TTLL11: variants seen among roughly 807,000 people sequenced by gnomAD.
TTLL11 encodes tubulin tyrosine ligase like 11.
TTLL11 carries 42 observed loss-of-function variants against 51.7 expected under a neutral mutation model. That is an observed-to-expected ratio of 0.81 (90% CI 0.64 to 1.05). The LOEUF is 1.05. TTLL11 is among the 50% of genes least tolerant of loss of function. TTLL11 has a pLI of 0.00. For missense variants in TTLL11, 799 were observed against 940.4 expected (o/e 0.85, Z 1.97); for synonymous variants, 381 against 383.5 (o/e 0.99, Z 0.08).
At chr9:121,842,322 A>T (rs968850929) in intron 8 of TTLL11, among the ~76,000 whole-genome samples, 2 of 151,940 alleles carry the variant, frequency 1.3e-5, no homozygotes, top group African/African-American at 4.8e-5. Flanking sequence ...CAGTGATGTA[A>T]TCATAGCTCA....
At chr9:122,042,488 A>C (rs1304991682) in intron 1 of TTLL11, among the ~76,000 whole-genome samples, 2 of 152,252 alleles carry the variant, frequency 1.3e-5, no homozygotes, top group Non-Finnish European at 2.9e-5. Flanking sequence ...CAAAATGGTA[A>C]AGCCACTTTA....
chr9:122,092,885 C>T lies in TTLL11; in HGVS notation c.264G>A (p.Leu88=). Reference sequence around the variant, plus strand: ...GCACCGGCTTCGGCTTGGACGGGGGCAGCGTGGGCGGCGGCCGCTGAAGGA... The same window carrying T: ...GCACCGGCTTCGGCTTGGACGGGGGTAGCGTGGGCGGCGGCCGCTGAAGGA... ...TQVLQRPPPT[L]PPSKPKPVQG... The change falls in exon 1 of 9, where the codon CTG becomes CTA. Residue 88 remains leucine (L), a synonymous_variant. Coordinates refer to ENST00000321582, the MANE Select transcript of TTLL11 (RefSeq NM_001139442.2). 6.4e-7 allele frequency: 1 copy of T among 1,569,032 alleles called. No homozygotes were observed.
Position 121,990,438 on chromosome 9 carries a change from A to G in TTLL11, c.694-668T>C, listed in dbSNP as rs1843078315. On this transcript the variant is annotated intron_variant, in intron 3 of 8. Transcript: ENST00000321582. ...GAACCTGAGAAATAAAAGACAATCC[A>G]AAGCCTGGCTGTCACTCTTTTTAGA... Among the ~76,000 whole-genome samples the G allele has an allele frequency of 1.3e-5, 2 of 152,256 alleles. 1 individual carries two copies. Among genetic ancestry groups the G allele is most frequent in the South Asian group, 4.1e-4 (2 of 4,838 alleles).
intron 1 of TTLL11, among the ~76,000 whole-genome samples, chr9:122,066,998 G>A (rs1052348933): frequency 6.6e-6 from 1 of 152,172 alleles, no homozygotes; most frequent in African/African-American, 2.4e-5. Flanking sequence ...CTTCCCCCAT[G>A]ATTCAATTAC....
chr9:121,883,843 A>G (rs531630985), intron 6 of TTLL11, among the ~76,000 whole-genome samples: 1 of 152,188 alleles, frequency 6.6e-6, no homozygotes, highest in African/African-American at 2.4e-5. Context: ...AGGTTAAGGC[A>G]GGCAGCAGAG....
intron 6 of TTLL11, among the ~76,000 whole-genome samples, chr9:121,895,362 G>T (rs1839424381): frequency 7.0e-6 from 1 of 141,992 alleles, no homozygotes; most frequent in African/African-American, 2.5e-5. Flanking sequence ...GCGTGTGTGT[G>T]TATTGTGTGA....
intron 1 of TTLL11, among the ~76,000 whole-genome samples, chr9:122,068,634 G>C (rs1052952357): frequency 2.6e-5 from 4 of 152,224 alleles, no homozygotes; most frequent in Non-Finnish European, 5.9e-5. Context: ...CACTCAGCTA[G>C]TAAGAAGCAG....
intron 1 of TTLL11, among the ~76,000 whole-genome samples, chr9:122,049,258 T>C (rs754566879): frequency 5.9e-5 from 9 of 152,220 alleles, no homozygotes; most frequent in Non-Finnish European, 8.8e-5. Flanking sequence ...TATTACCTTA[T>C]TTAATCCACA....
At chr9:122,046,412 T>C (rs1398891692) in intron 1 of TTLL11, among the ~76,000 whole-genome samples, 1 of 152,070 alleles carries the variant, frequency 6.6e-6, no homozygotes, top group Non-Finnish European at 1.5e-5. Flanking sequence ...CATGAGCCAA[T>C]TAAACCTCTT....
intron 6 of TTLL11, among the ~76,000 whole-genome samples, chr9:121,944,054 A>G (rs1841581617): frequency 6.6e-6 from 1 of 152,248 alleles, no homozygotes; most frequent in East Asian, 1.9e-4. Context: ...ATTTTATACA[A>G]TTGCATTTTC....
chr9:121,998,186 C>T (rs1289782332), intron 3 of TTLL11, among the ~76,000 whole-genome samples: 2 of 152,162 alleles, frequency 1.3e-5, no homozygotes, highest in Admixed American at 1.3e-4. Context: ...ATCACTGGGC[C>T]CAGCTTTTCC....
chr9:121,872,003 C>T (rs890325740), intron 6 of TTLL11, among the ~76,000 whole-genome samples: 2 of 152,240 alleles, frequency 1.3e-5, no homozygotes, highest in Non-Finnish European at 2.9e-5. Flanking sequence ...GCATGTTATA[C>T]ATGGTCAGTA....
intron 8 of TTLL11, among the ~76,000 whole-genome samples, chr9:121,832,980 G>A (rs1017989592): frequency 1.3e-5 from 2 of 151,560 alleles, no homozygotes; most frequent in African/African-American, 2.4e-5. Flanking sequence ...AAACTGGGGG[G>A]GAGTTTTCAA....
At chr9:121,883,569 G>A (rs1336649503) in intron 6 of TTLL11, among the ~76,000 whole-genome samples, 2 of 152,162 alleles carry the variant, frequency 1.3e-5, no homozygotes, top group Non-Finnish European at 2.9e-5. Flanking sequence ...AATTAGGCAT[G>A]CCTATTAGCA....
At chr9:121,831,699 C>CAA (rs35519622) in intron 8 of TTLL11, among the ~76,000 whole-genome samples, 9,146 of 133,248 alleles carry the variant, frequency 0.069, 474 homozygotes, top group African/African-American at 0.16. Context: ...GACTCTGTCT[C>CAA]AAAAAAAAAA....
intron 6 of TTLL11, among the ~76,000 whole-genome samples, chr9:121,953,632 C>CAAA (rs57176138): frequency 1.0e-3 from 72 of 70,830 alleles, no homozygotes; most frequent in South Asian, 2.2e-3. Context: ...GATGCCGCCT[C>CAAA]AAAAAAAAAA....
rs374476349 is a variant in TTLL11, at chr9:121,895,997, TGA to T, written c.1482-25251_1482-25250del. 5.9e-3 allele frequency among the ~76,000 whole-genome samples: 466 copies of T among 79,334 alleles called. 4 individuals carry two copies. Among genetic ancestry groups the T allele is most frequent in the African/African-American group, 0.023 (443 of 19,628 alleles). The allele number at this position is 79,334 out of a possible 152,430, so 52.0% of individuals were successfully genotyped here. A position where few individuals can be genotyped will look rare whatever the true frequency, so the allele number is the denominator to read the frequency against. The stretch of plus-strand genomic sequence containing the variant: ...GTGTGTCTGTGGTGGGTGTTTTGTG[TGA>T]GTGTGTATGTGTGGTTGTGTGTGTG... On this transcript the variant is annotated intron_variant, in intron 6 of 8. Transcript: ENST00000321582.
At chr9:122,084,214 G>A (rs1172900708) in intron 1 of TTLL11, among the ~76,000 whole-genome samples, 2 of 152,148 alleles carry the variant, frequency 1.3e-5, no homozygotes, top group African/African-American at 4.8e-5. Flanking sequence ...CTACACAGGA[G>A]ATAAACTGCC....
chr9:121,950,573 G>T (rs1430062111), intron 6 of TTLL11, among the ~76,000 whole-genome samples: 1 of 152,198 alleles, frequency 6.6e-6, no homozygotes, highest in Non-Finnish European at 1.5e-5. Flanking sequence ...TGCCACAGGG[G>T]TCCTTCAGAG....
Sources: gnomAD v4.1 joint callset for allele counts (sites outside exome capture counted in the v4.1 genomes callset) on GRCh38, gnomAD v4.1.1 for gene constraint, MANE v1.5 for transcripts, NCBI Gene and HGNC (gene_info 2026-07-23, HGNC 2026-07-21) for gene names.